The following FSD1L variants were observed in gnomAD, a reference collection of about 807,000 sequenced individuals.
The protein encoded by FSD1L is fibronectin type III and SPRY domain containing 1 like, also known as FSD1-like protein.
A neutral mutation model predicts 71.6 loss-of-function variants in FSD1L; 45 were observed. That is an observed-to-expected ratio of 0.63 (90% CI 0.49 to 0.81). FSD1L has a LOEUF of 0.81. Among genes scored for constraint, FSD1L ranks in the 30% least tolerant of loss-of-function variants. The probability of loss-of-function intolerance (pLI) is 0.00; values close to 1 mark genes in which losing one functional copy is unlikely to be tolerated. For missense variants in FSD1L, 561 were observed against 618.1 expected (o/e 0.91, Z 0.98); for synonymous variants, 197 against 207.2 (o/e 0.95, Z 0.42).
intron 10 of FSD1L, among the ~76,000 whole-genome samples, chr9:105,514,359 T>G (rs529054961): frequency 6.6e-6 from 1 of 152,330 alleles, no homozygotes; most frequent in Non-Finnish European, 1.5e-5. Context: ...TTAAGAGTAT[T>G]TTACGTATAG....
In FSD1L at chr9:105,455,749, C is replaced by T. The variant is rs570949997; in HGVS notation, c.16-5771C>T. Among the ~76,000 whole-genome samples, 5 of 152,294 alleles carry T rather than the reference C, an allele frequency of 3.3e-5. No individual in the cohort carries two copies. In the South Asian group the frequency reaches 1.0e-3, roughly 32 times the overall value. On this transcript the variant is annotated intron_variant, in intron 1 of 13. Transcript: ENST00000481272. ...CAACCATAAAATGTGAAGACTCATA[C>T]TACTTTTTTATCAGATTTGATGATT...
intron 5 of FSD1L, among the ~76,000 whole-genome samples, chr9:105,477,616 AC>A (rs1831892058): frequency 6.6e-6 from 1 of 152,224 alleles, no homozygotes; most frequent in Non-Finnish European, 1.5e-5. Flanking sequence ...TCCTGGTAGT[AC>A]TTGTTTCATA....
At chr9:105,467,847 TG>T (rs1831178955) in intron 3 of FSD1L, among the ~76,000 whole-genome samples, 1 of 152,204 alleles carries the variant, frequency 6.6e-6, no homozygotes, top group Non-Finnish European at 1.5e-5. Flanking sequence ...TAAGAACCAC[TG>T]GCTTAGAGTC....
At chr9:105,471,578 G>A (rs1831462257) in intron 4 of FSD1L, among the ~76,000 whole-genome samples, 1 of 151,862 alleles carries the variant, frequency 6.6e-6, no homozygotes, top group Non-Finnish European at 1.5e-5. Flanking sequence ...AGTGGACTAA[G>A]CTTCGCTTAG....
In FSD1L at chr9:105,461,561, C is replaced by T; in HGVS notation, c.57C>T (p.Ala19=). ...ATGAAAACGTTACAGTTGATAAAGC[C>T]TGTTTTCTGATCTCTAACATCACTA... ...KENENVTVDK[A]CFLISNITIG... Residue 19 remains alanine, a synonymous_variant, in exon 2 of 14, where the codon GCC becomes GCT. Transcript: ENST00000481272. 6.4e-7 allele frequency: 1 copy of T among 1,551,844 alleles called. No individual in the cohort carries two copies.
At chr9:105,522,904 T>C in intron 10 of FSD1L, 1 of 1,610,736 alleles carries the variant, frequency 6.2e-7, no homozygotes, top group Non-Finnish European at 8.5e-7. Flanking sequence ...ATGCGCCCTA[T>C]TGATGACCCA....
chr9:105,484,495 T>C lies in FSD1L; in HGVS notation c.579T>C (p.Phe193=). The change falls in exon 7 of 14, where the codon TTT becomes TTC. Residue 193 remains phenylalanine, a synonymous_variant. Coordinates refer to ENST00000481272, the MANE Select transcript of FSD1L (RefSeq NM_001145313.3). ...QERQMLQTLK[F]LPVPKAPEID... Reference sequence around the variant, plus strand: ...GACAGATGCTGCAAACTTTGAAGTTTTTGCCAGGTAAATACATGTATTACA... The same window carrying C: ...GACAGATGCTGCAAACTTTGAAGTTCTTGCCAGGTAAATACATGTATTACA... The C allele has an allele frequency of 6.6e-7, 1 of 1,517,454 alleles. No individual in the cohort carries two copies. Among genetic ancestry groups the C allele is most frequent in the Non-Finnish European group, 8.8e-7 (1 of 1,133,718 alleles). The allele number at this position is 1,517,454 out of a possible 1,614,324, so 94.0% of individuals were successfully genotyped here.
At chr9:105,481,181 T>TGTGTGTGTGTGTGGG (rs1564098389) in intron 6 of FSD1L, among the ~76,000 whole-genome samples, 1 of 56,216 alleles carries the variant, frequency 1.8e-5, no homozygotes, top group East Asian at 1.1e-3. Flanking sequence ...GTGTGTGTGG[T>TGTGTGTGTGTGTGGG]TCTTTTTTTT....
Position 105,448,073 on chromosome 9 carries a change from G to T in FSD1L, c.-148G>T. 2 of 869,790 alleles carry T rather than the reference G, an allele frequency of 2.3e-6. No homozygotes were observed. The highest frequency in any genetic ancestry group is 3.6e-6 in the Non-Finnish European group (2 of 550,648). 53.9% of individuals were successfully genotyped at this position (869,790 alleles called of 1,614,324 possible). A position where few individuals can be genotyped will look rare whatever the true frequency, so the allele number is the denominator to read the frequency against. Reference sequence around the variant, plus strand: ...ACCGCGGCGTGACTACGGCGCGCGCGGTCTGGGCGCGGACGGGTGGGGCCG... The same window carrying T: ...ACCGCGGCGTGACTACGGCGCGCGCTGTCTGGGCGCGGACGGGTGGGGCCG... On this transcript the variant is annotated 5_prime_UTR_variant, in exon 1 of 14. Coordinates refer to ENST00000481272, the MANE Select transcript of FSD1L (RefSeq NM_001145313.3).
intron 3 of FSD1L, 47 bp downstream of exon 3, chr9:105,464,378 C>A: frequency 1.2e-6 from 1 of 853,714 alleles, no homozygotes; most frequent in Non-Finnish European, 1.8e-6. Flanking sequence ...TCACAATGAG[C>A]CAAATCTGAA....
Position 105,508,655 on chromosome 9 carries a change from C to G in FSD1L, c.835C>G (p.Arg279Gly), listed in dbSNP as rs1289314162. 1.3e-6 allele frequency: 2 copies of G among 1,551,246 alleles called. No individual in the cohort carries two copies. The highest frequency in any genetic ancestry group is 1.7e-6 in the Non-Finnish European group (2 of 1,146,390). Residue 279 changes from arginine (R) to glycine (G), a missense_variant, in exon 9 of 14, where the codon CGA becomes GGA. By Grantham distance (125) the Arg-to-Gly change is moderately radical. This residue lies in a region of FSD1L where 410 missense variants were observed against 413.5 expected (regional missense o/e 0.99). Transcript: ENST00000481272. ...TTCAAAGTATATGAATTTCAGAGTG[C>G]GAGCTTGTAACAAGGCTGTGGCTGG... is the stretch of plus-strand genomic sequence containing the variant. ...FDSKYMNFRV[R>G]ACNKAVAGEY...
intron 7 of FSD1L, among the ~76,000 whole-genome samples, chr9:105,495,802 T>G (rs768777114): frequency 6.6e-6 from 1 of 151,998 alleles, no homozygotes; most frequent in Non-Finnish European, 1.5e-5. Context: ...TGGTGAAACC[T>G]CCTCTGTACT....
upstream of FSD1L, among the ~76,000 whole-genome samples, chr9:105,445,695 T>C (rs1334106933): frequency 3.3e-5 from 5 of 152,190 alleles, no homozygotes; most frequent in African/African-American, 1.2e-4. Context: ...ATCGCCAGGC[T>C]ATTTCTCCCT....
chr9:105,506,207 C>T (rs958787536), intron 7 of FSD1L, among the ~76,000 whole-genome samples, 192 bp from the exon 8 acceptor site: 2 of 152,196 alleles, frequency 1.3e-5, no homozygotes, highest in South Asian at 4.1e-4. Context: ...ATTCCTTATC[C>T]TTAGTGTGTG....
chr9:105,497,939 G>A (rs1833517434), intron 7 of FSD1L, among the ~76,000 whole-genome samples: 1 of 152,024 alleles, frequency 6.6e-6, no homozygotes, highest in Non-Finnish European at 1.5e-5. Context: ...GAACTCCTGG[G>A]CTCAAGGGAT....
intron 10 of FSD1L, among the ~76,000 whole-genome samples, chr9:105,515,832 G>C (rs1834686055): frequency 1.3e-5 from 2 of 150,976 alleles, no homozygotes; most frequent in African/African-American, 2.4e-5. Context: ...TGGAACACCA[G>C]TGAGACAGAA....
intron 10 of FSD1L, chr9:105,524,727 G>C: frequency 6.2e-7 from 1 of 1,613,816 alleles, no homozygotes; most frequent in Non-Finnish European, 8.5e-7. Flanking sequence ...GCCAGTAACA[G>C]AAGTGAAAAC....
At chr9:105,471,056 C>G (rs192356599) in intron 4 of FSD1L, among the ~76,000 whole-genome samples, 13 of 152,308 alleles carry the variant, frequency 8.5e-5, no homozygotes, top group Middle Eastern at 3.4e-3. Flanking sequence ...CAGAGCAGCT[C>G]TAATTGTCTT....
At chr9:105,486,772 A>C (rs1832577600) in intron 7 of FSD1L, among the ~76,000 whole-genome samples, 1 of 152,262 alleles carries the variant, frequency 6.6e-6, no homozygotes, top group Middle Eastern at 3.4e-3. Flanking sequence ...TTACTTTAGT[A>C]TTTTTGTTGG....
Sources: gnomAD v4.1 joint callset for allele counts (sites outside exome capture counted in the v4.1 genomes callset) on GRCh38, gnomAD v4.1.1 for gene constraint, gnomAD v4.1.1 regional missense constraint, MANE v1.5 for transcripts, NCBI Gene and HGNC (gene_info 2026-07-23, HGNC 2026-07-21) for gene names.